The following TJP1 variants were observed in gnomAD, a reference collection of about 807,000 sequenced individuals.
TJP1 encodes tight junction protein ZO-1.
In TJP1, 43 loss-of-function variants were observed where a neutral mutation model predicts 194.2. The ratio of observed to expected loss-of-function variants is 0.22; its 90% CI spans 0.17 to 0.29. The LOEUF is 0.29. Among genes scored for constraint, TJP1 ranks in the 10% least tolerant of loss-of-function variants. TJP1 has a pLI of 1.00. For synonymous variants in TJP1, 801 were observed against 779.0 expected (o/e 1.03, Z -0.47); for missense variants, 1,971 against 2,185.7 (o/e 0.90, Z 1.96).
At chr15:29,701,781 C>G (rs1266380753) in intron 27 of TJP1, 92 bp from the exon 28 acceptor site, 4 of 886,182 alleles carry the variant, frequency 4.5e-6, no homozygotes, top group African/African-American at 1.7e-5. Context: ...TATATTTAGA[C>G]ATAATTTTCT....
intron 4 of TJP1, among the ~76,000 whole-genome samples, chr15:29,770,524 G>A (rs767756736): frequency 3.3e-5 from 5 of 151,696 alleles, no homozygotes; most frequent in African/African-American, 4.8e-5. Context: ...CACCATCCTG[G>A]CTAACATGGT....
chr15:29,762,177 A>G (rs1184916014), intron 6 of TJP1, among the ~76,000 whole-genome samples, 158 bp downstream of exon 6: 1 of 152,228 alleles, frequency 6.6e-6, no homozygotes, highest in Admixed American at 6.5e-5. Context: ...TGGTGTCGAC[A>G]TGTAATAATG....
chr15:29,968,690 G>A, exon 1 of TJP1: 1 of 1,145,036 alleles, frequency 8.7e-7, no homozygotes, highest in Non-Finnish European at 1.1e-6. Context: ...TGAGCGGCAG[G>A]AGGCTGCCGC....
At chr15:29,738,619 T>G (rs995545626) in intron 10 of TJP1, among the ~76,000 whole-genome samples, 3 of 152,048 alleles carry the variant, frequency 2.0e-5, no homozygotes, top group Non-Finnish European at 4.4e-5. Context: ...CTACAAATGG[T>G]CCAAGCCCCT....
upstream of TJP1, chr15:29,822,470 C>T (rs943365903): frequency 6.1e-6 from 6 of 985,352 alleles, no homozygotes; most frequent in Non-Finnish European, 2.4e-6. Flanking sequence ...AGCGGCCACG[C>T]AAACCTGCCG....
intron 1 of TJP1, among the ~76,000 whole-genome samples, chr15:29,809,910 A>C (rs547892781): frequency 1.3e-5 from 2 of 152,180 alleles, no homozygotes; most frequent in South Asian, 4.1e-4. Context: ...TGTGCTAATG[A>C]TAATGTAGTT....
chr15:29,880,271 AAAATTT>A (rs1249871958), intron 2 of TJP1, among the ~76,000 whole-genome samples: 1 of 152,194 alleles, frequency 6.6e-6, no homozygotes, highest in Non-Finnish European at 1.5e-5. Context: ...TTAGTTTATT[AAAATTT>A]AAACAGATTA....
In TJP1 at chr15:29,967,380, AC is replaced by A. The variant is rs201631521; in HGVS notation, c.173+1286del. ...GAATAAATTTATTTAAAAAAAAAAA[AC>A]CAAACTGGTGGGGGCAGAAAGACAC... On this transcript the variant is annotated intron_variant, in intron 1 of 28. Transcript: ENST00000356107. 2.5e-3 allele frequency among the ~76,000 whole-genome samples: 382 copies of A among 151,384 alleles called. 2 individuals are homozygous for A. Among genetic ancestry groups the A allele is most frequent in the African/African-American group, 7.2e-3 (299 of 41,360 alleles).
rs2041513121 is a variant in TJP1, at chr15:29,701,082, C to G, written c.*513G>C. 1 of 153,500 alleles carries G rather than the reference C, an allele frequency of 6.5e-6. No homozygotes were observed. Among genetic ancestry groups the G allele is most frequent in the Admixed American group, 6.5e-5 (1 of 15,368 alleles). The allele number at this position is 153,500 out of a possible 1,614,324, so 9.5% of individuals were successfully genotyped here. A position where few individuals can be genotyped will look rare whatever the true frequency, so the allele number is the denominator to read the frequency against. ...TCATTGTCTTCACTTCACCCTCCCC[C>G]AGTTGTAAATCTCCTTGCTGTACAT... On this transcript the variant is annotated 3_prime_UTR_variant, in exon 28 of 28. Coordinates refer to ENST00000614355, the MANE Select transcript of TJP1 (RefSeq NM_001330239.4).
intron 1 of TJP1, among the ~76,000 whole-genome samples, chr15:29,820,848 C>T (rs911848408): frequency 6.6e-6 from 1 of 152,130 alleles, no homozygotes; most frequent in African/African-American, 2.4e-5. Context: ...ATACTATATC[C>T]CTTAAAACAA....
chr15:29,718,367 T>TTGC lies in TJP1; in HGVS notation c.3772_3774dup (p.Ala1258dup). On this transcript the variant is annotated inframe_insertion, in exon 21 of 28. Coordinates refer to ENST00000614355, the MANE Select transcript of TJP1 (RefSeq NM_001330239.4). ...CTGGTGAGTACAGACTGTGGCTTCA[T>TTGC]TGCTGGATCTTCCTCTTCTTCGGTT... 1 of 1,614,154 alleles carries TTGC rather than the reference T, an allele frequency of 6.2e-7. No individual in the cohort carries two copies. Among genetic ancestry groups the TTGC allele is most frequent in the Admixed American group, 1.7e-5 (1 of 60,018 alleles).
At chr15:29,732,193 T>C (rs1162482347) in intron 15 of TJP1, 75 of 515,050 alleles carry the variant, frequency 1.5e-4, no homozygotes, top group Non-Finnish European at 3.5e-6. Flanking sequence ...AATGACATTG[T>C]ATGTTATGCA....
intron 2 of TJP1, among the ~76,000 whole-genome samples, chr15:29,783,146 T>C (rs2047478439): frequency 6.6e-6 from 1 of 152,014 alleles, no homozygotes; most frequent in Admixed American, 6.6e-5. Context: ...TGGTGGTGCA[T>C]GCCTGTAATC....
chr15:29,873,302 C>T (rs538910915), intron 2 of TJP1, among the ~76,000 whole-genome samples: 1 of 152,340 alleles, frequency 6.6e-6, no homozygotes, highest in African/African-American at 2.4e-5. Flanking sequence ...GTGGGAAATT[C>T]TCTCTGCCAT....
chr15:29,753,289 C>T (rs548681429), intron 8 of TJP1, among the ~76,000 whole-genome samples: 5 of 151,796 alleles, frequency 3.3e-5, no homozygotes, highest in Non-Finnish European at 7.4e-5. Flanking sequence ...CGAGACCATC[C>T]TGGCTAACAC....
chr15:29,742,260 A>C (rs550057686), intron 9 of TJP1, among the ~76,000 whole-genome samples: 1 of 152,174 alleles, frequency 6.6e-6, no homozygotes, highest in East Asian at 1.9e-4. Flanking sequence ...CAAAAAAAAA[A>C]ACCCAAAGAC....
chr15:29,826,854 T>G (rs953705696), upstream of TJP1, among the ~76,000 whole-genome samples: 1 of 152,044 alleles, frequency 6.6e-6, no homozygotes, highest in Non-Finnish European at 1.5e-5. Flanking sequence ...TGTAAGGACT[T>G]TCGTTTTGGA....
chr15:29,869,179 C>G (rs977826124), intron 2 of TJP1, among the ~76,000 whole-genome samples: 1 of 152,116 alleles, frequency 6.6e-6, no homozygotes, highest in Non-Finnish European at 1.5e-5. Context: ...AAAAATGAAG[C>G]CATAAGAGAA....
At chr15:29,736,396 G>A (rs1341129503) in intron 11 of TJP1, among the ~76,000 whole-genome samples, 1 of 152,214 alleles carries the variant, frequency 6.6e-6, no homozygotes, top group East Asian at 1.9e-4. Context: ...GCAGACAGGA[G>A]GCTGAATCCA....
Sources: allele counts gnomAD v4.1 joint callset (sites outside exome capture counted in the v4.1 genomes callset), GRCh38; gene constraint gnomAD v4.1.1; transcripts MANE v1.5; gene names NCBI Gene and HGNC (gene_info 2026-07-23, HGNC 2026-07-21).